GTF2E1: variants seen among roughly 807,000 people sequenced by gnomAD.
GTF2E1 encodes general transcription factor IIE subunit 1.
Under a neutral mutation model 34.9 loss-of-function variants are expected in GTF2E1, and 14 were observed. The observed-to-expected ratio is 0.40, with a 90% CI of 0.27 to 0.63. The LOEUF (loss-of-function observed/expected upper bound fraction) is 0.63, where lower values mean the gene tolerates loss of function less well. Among genes scored for constraint, GTF2E1 ranks in the 20% least tolerant of loss-of-function variants. GTF2E1 has a pLI of 0.39. For synonymous variants in GTF2E1, 188 were observed against 192.9 expected, an observed-to-expected ratio of 0.97 and a Z score of 0.21; for missense variants, 469 against 557.7, an observed-to-expected ratio of 0.84 and a Z score of 1.60.
At chr3:120,761,112 A>T (rs910364166) in intron 2 of GTF2E1, among the ~76,000 whole-genome samples, 1 of 152,160 alleles carries the variant, frequency 6.6e-6, no homozygotes, top group African/African-American at 2.4e-5. Context: ...TTATTGGTCT[A>T]TTCAGAGATT....
At chr3:120,747,798 T>G (rs1709121208) in intron 1 of GTF2E1, among the ~76,000 whole-genome samples, 1 of 152,244 alleles carries the variant, frequency 6.6e-6, no homozygotes, top group Admixed American at 6.5e-5. Flanking sequence ...GTATTTCTAG[T>G]TCTAGATCCC....
At chr3:120,768,093 C>T (rs35019107) in intron 2 of GTF2E1, among the ~76,000 whole-genome samples, 1 of 151,840 alleles carries the variant, frequency 6.6e-6, no homozygotes. Context: ...TTTTAAAATT[C>T]GGGTATAACA....
intron 2 of GTF2E1, among the ~76,000 whole-genome samples, chr3:120,760,065 C>T (rs1480641054): frequency 6.6e-6 from 1 of 152,150 alleles, no homozygotes; most frequent in African/African-American, 2.4e-5. Context: ...TTCTTCCTAT[C>T]CTTGAGCATG....
chr3:120,756,011 G>A (rs1709205732), intron 2 of GTF2E1, among the ~76,000 whole-genome samples: 1 of 152,116 alleles, frequency 6.6e-6, no homozygotes, highest in Non-Finnish European at 1.5e-5. Flanking sequence ...CTAGTCATCT[G>A]TTGATGAACA....
intron 1 of GTF2E1, chr3:120,750,084 C>G (rs984767437): frequency 6.4e-6 from 1 of 156,936 alleles, no homozygotes; most frequent in Non-Finnish European, 1.4e-5. Context: ...GAAAGCATGA[C>G]TATGTAAAAC....
At chr3:120,770,657 G>A (rs535457662) in intron 2 of GTF2E1, 71 bp from the exon 3 acceptor site, 1 of 1,030,542 alleles carries the variant, frequency 9.7e-7, no homozygotes, top group African/African-American at 1.6e-5. Flanking sequence ...ATAAGATATT[G>A]GGGGAGGGTG....
At chr3:120,762,592 G>T (rs1047379576) in intron 2 of GTF2E1, among the ~76,000 whole-genome samples, 7 of 152,118 alleles carry the variant, frequency 4.6e-5, no homozygotes, top group Non-Finnish European at 8.8e-5. Flanking sequence ...CACTTATTAT[G>T]TTGGGTCCTT....
At chr3:120,746,208 T>C (rs1009576320) in intron 1 of GTF2E1, among the ~76,000 whole-genome samples, 2 of 152,188 alleles carry the variant, frequency 1.3e-5, no homozygotes, top group African/African-American at 4.8e-5. Flanking sequence ...AATAAAAGGG[T>C]TAGTTGAAAC....
Position 120,782,766 on chromosome 3 carries a change from A to G in GTF2E1, c.*1296A>G, listed in dbSNP as rs73855274. The G allele has an allele frequency of 6.6e-6, 1 of 152,292 alleles. No individual in the cohort carries two copies. The highest frequency in any genetic ancestry group is 2.4e-5 in the African/African-American group (1 of 41,562). 9.4% of individuals were successfully genotyped at this position (152,292 alleles called of 1,614,324 possible). A position where few individuals can be genotyped will look rare whatever the true frequency, so the allele number is the denominator to read the frequency against. On this transcript the variant is annotated 3_prime_UTR_variant, in exon 5 of 5. Coordinates refer to ENST00000283875, the MANE Select transcript of GTF2E1 (RefSeq NM_005513.3). The stretch of plus-strand genomic sequence containing the variant: ...GTCTCTCTTTTAATTTTTGTCAGAC[A>G]CAGTATTTTAGGGTGCATCCAGTAT...
chr3:120,776,184 C>T (rs1709397224), intron 3 of GTF2E1, among the ~76,000 whole-genome samples: 1 of 152,154 alleles, frequency 6.6e-6, no homozygotes, highest in Admixed American at 6.5e-5. Context: ...CATTTATATA[C>T]ATCAGAGGAT....
intron 3 of GTF2E1, among the ~76,000 whole-genome samples, chr3:120,774,244 G>A (rs1709379745): frequency 2.0e-5 from 3 of 152,146 alleles, no homozygotes; most frequent in African/African-American, 7.2e-5. Context: ...ATCAAGATGG[G>A]GATGTTGGCT....
intron 2 of GTF2E1, among the ~76,000 whole-genome samples, chr3:120,757,186 C>T (rs1360755941): frequency 6.6e-6 from 1 of 152,138 alleles, no homozygotes; most frequent in Admixed American, 6.5e-5. Context: ...ATGTACCATA[C>T]TTCAGTTTGT....
Position 120,750,166 on chromosome 3 carries a change from T to G in GTF2E1, c.-30-357T>G, listed in dbSNP as rs762670248. ...GACACTTTTAGGAAATGCGAACTGC[T>G]AGTTTTCTCAGGGTTTCCAGCATTC... On this transcript the variant is annotated intron_variant, in intron 1 of 4. Transcript: ENST00000283875. Among the ~76,000 whole-genome samples the G allele has an allele frequency of 4.6e-5, 7 of 152,234 alleles. No individual in the cohort carries two copies. The South Asian group carries it at 6.2e-4, about 13-fold the overall frequency.
intron 1 of GTF2E1, among the ~76,000 whole-genome samples, chr3:120,748,588 C>G (rs1264834432): frequency 1.3e-5 from 2 of 152,116 alleles, no homozygotes; most frequent in Non-Finnish European, 2.9e-5. Context: ...TCTGAGGGCT[C>G]TGTTGTGTTC....
In GTF2E1 at chr3:120,770,936, G is replaced by A. The variant is rs749623782; in HGVS notation, c.650+7G>A. On this transcript the variant is annotated splice_region_variant and intron_variant, in intron 3 of 4. Coordinates refer to ENST00000283875, the MANE Select transcript of GTF2E1 (RefSeq NM_005513.3). ...TCCCAGCCCTGAAACAGAGGTGAGTGTAGGCCCTGTGCTCTTACTAAGAAC... is the reference window on the plus strand; with the variant it reads ...TCCCAGCCCTGAAACAGAGGTGAGTATAGGCCCTGTGCTCTTACTAAGAAC... 1 of 1,609,418 alleles carries A rather than the reference G, an allele frequency of 6.2e-7. No individual in the cohort carries two copies. Among genetic ancestry groups the A allele is most frequent in the Non-Finnish European group, 8.5e-7 (1 of 1,175,850 alleles).
chr3:120,776,669 G>C lies in GTF2E1; in HGVS notation c.892+5G>C, dbSNP rs765779076. ...GTTCTGAAGATATGAAAGAAGGTAA[G>C]AGTAGAAGTCAGTAAAATGGATGTG... is the stretch of plus-strand genomic sequence containing the variant. On this transcript the variant is annotated splice_donor_5th_base_variant and intron_variant, in intron 4 of 4. Coordinates refer to ENST00000283875, the MANE Select transcript of GTF2E1 (RefSeq NM_005513.3). The C allele has an allele frequency of 1.9e-6, 3 of 1,610,476 alleles. No individual in the cohort carries two copies. In the South Asian group the frequency reaches 3.3e-5, roughly 18 times the overall value.
intron 1 of GTF2E1, among the ~76,000 whole-genome samples, chr3:120,748,593 G>C (rs375710123): frequency 3.9e-5 from 6 of 152,024 alleles, no homozygotes; most frequent in South Asian, 2.1e-4. Context: ...GGGCTCTGTT[G>C]TGTTCCATTG....
intron 4 of GTF2E1, among the ~76,000 whole-genome samples, chr3:120,780,789 T>C (rs1283565560): frequency 6.6e-6 from 1 of 152,172 alleles, no homozygotes; most frequent in East Asian, 1.9e-4. Context: ...CCCAAGATGC[T>C]TGTGTGTAGA....
rs549034900 is a variant in GTF2E1 at position 120,758,676 on chromosome 3, A to G, written c.448+7676A>G. On this transcript the variant is annotated intron_variant, in intron 2 of 4. Coordinates refer to ENST00000283875, the MANE Select transcript of GTF2E1 (RefSeq NM_005513.3). ...TATGAGTGAGAACGTGAGGTGTTTG[A>G]TTTTCTGACTTTGTGATAGTTGGCT... Among the ~76,000 whole-genome samples, 11 of 151,546 alleles carry G rather than the reference A, an allele frequency of 7.3e-5. No individual in the cohort carries two copies. In the South Asian group the frequency reaches 2.1e-3, roughly 29 times the overall value.
Sources: allele counts gnomAD v4.1 joint callset (sites outside exome capture counted in the v4.1 genomes callset), GRCh38; gene constraint gnomAD v4.1.1; transcripts MANE v1.5; gene names NCBI Gene and HGNC (gene_info 2026-07-23, HGNC 2026-07-21).